The following MAP4K1 variants were observed in gnomAD, a reference collection of about 807,000 sequenced individuals.
MAP4K1 encodes the protein mitogen-activated protein kinase kinase kinase kinase 1.
A neutral mutation model predicts 122.8 loss-of-function variants in MAP4K1; 35 were observed. The observed-to-expected ratio is 0.29, with a 90% CI of 0.22 to 0.38. MAP4K1 has a LOEUF of 0.38. Ranked by LOEUF, MAP4K1 falls within the 10% of genes least tolerant of loss-of-function variation. MAP4K1 has a pLI of 1.00. For synonymous variants in MAP4K1, 412 were observed against 421.3 expected (o/e 0.98, Z 0.27); for missense variants, 791 against 1,072.6 (o/e 0.74, Z 3.67).
chr19:38,600,612 C>T (rs980489902), intron 20 of MAP4K1, among the ~76,000 whole-genome samples: 18 of 151,976 alleles, frequency 1.2e-4, no homozygotes, highest in African/African-American at 4.4e-4. Context: ...GATTCTGTCC[C>T]TTTCTGGCTG....
At chr19:38,591,280 G>A (rs1473452616) in intron 30 of MAP4K1, among the ~76,000 whole-genome samples, 2 of 152,160 alleles carry the variant, frequency 1.3e-5, no homozygotes, top group Non-Finnish European at 2.9e-5. Context: ...TGTAATCCCA[G>A]CACTTTGGGA....
In MAP4K1 at chr19:38,617,245, AAAAAGAAAAAG is replaced by A; in HGVS notation, c.248+98_248+108del. The stretch of plus-strand genomic sequence containing the variant: ...GGCAACAGAACAAGACTCCATCTCA[AAAAAGAAAAAG>A]AAAAGAAAAAAAAAGAACTGAGGGT... On this transcript the variant is annotated intron_variant, in intron 3 of 30. Transcript: ENST00000396857. This position sits in a 1 kb window ranked among gnomAD's most constrained non-coding sequence, Gnocchi z 4.1. 1.3e-6 allele frequency: 1 copy of A among 786,432 alleles called. No homozygotes were observed. Among genetic ancestry groups the A allele is most frequent in the Non-Finnish European group, 2.2e-6 (1 of 459,220 alleles). 48.7% of individuals were successfully genotyped at this position (786,432 alleles called of 1,614,324 possible). A position where few individuals can be genotyped will look rare whatever the true frequency, so the allele number is the denominator to read the frequency against.
intron 22 of MAP4K1, among the ~76,000 whole-genome samples, chr19:38,598,195 T>A (rs1974947087): frequency 6.6e-6 from 1 of 151,770 alleles, no homozygotes; most frequent in Admixed American, 6.6e-5. Context: ...CATGCCTGGA[T>A]AATTTTTGTA....
intron 30 of MAP4K1, among the ~76,000 whole-genome samples, chr19:38,591,853 C>T (rs1019821411): frequency 6.6e-6 from 1 of 152,004 alleles, no homozygotes; most frequent in Non-Finnish European, 1.5e-5. Flanking sequence ...TGCCTGTAAT[C>T]CCAGTTACTC....
chr19:38,616,144 G>A, intron 4 of MAP4K1, 51 bp downstream of exon 4: 1 of 1,441,290 alleles, frequency 6.9e-7, no homozygotes, highest in South Asian at 1.2e-5. Context: ...GGTCGGGGTT[G>A]GGGGGTGGGG....
intron 25 of MAP4K1, 48 bp downstream of exon 25, chr19:38,596,986 T>G: frequency 6.4e-7 from 1 of 1,560,266 alleles, no homozygotes; most frequent in Non-Finnish European, 8.8e-7. Flanking sequence ...GTGCAAGGCC[T>G]TAGCCACCCA....
intron 20 of MAP4K1, among the ~76,000 whole-genome samples, chr19:38,600,799 A>ATTTTTTTTT (rs560496607): frequency 5.5e-5 from 5 of 90,958 alleles, no homozygotes; most frequent in Non-Finnish European, 8.5e-5. Context: ...CCCTCTACCC[A>ATTTTTTTTT]TTTTTTTTTT....
chr19:38,614,921 C>CAAAAAAAAAAAA (rs562410574), intron 4 of MAP4K1: 1 of 21,576 alleles, frequency 4.6e-5, no homozygotes, highest in African/African-American at 1.3e-4. Context: ...GGCTCTGTCT[C>CAAAAAAAAAAAA]AAAAAAAAAA....
Position 38,596,399 on chromosome 19 carries a change from C to A in MAP4K1, c.2029G>T (p.Val677Leu). 1.3e-6 allele frequency: 2 copies of A among 1,595,966 alleles called. No homozygotes were observed. Among genetic ancestry groups the A allele is most frequent in the East Asian group, 2.3e-5 (1 of 44,394 alleles). ...GACTTCCCCGGCCGCCCGGGGCTCACGCCGATGCACACAGCGGGCAGCTCA... is the reference window on the plus strand; with the variant it reads ...GACTTCCCCGGCCGCCCGGGGCTCAAGCCGATGCACACAGCGGGCAGCTCA... ...GSELPAVCIG[V>L]SPGRPGKSVL... Residue 677 changes from valine to leucine, a missense_variant, in exon 26 of 31, where the codon GTG becomes TTG. Around this residue, in one of 4 missense-constraint regions of MAP4K1, gnomAD observed 267 missense variants for 323.0 expected, o/e 0.83. Transcript: ENST00000396857.
intron 9 of MAP4K1, among the ~76,000 whole-genome samples, chr19:38,611,968 C>T (rs1314389622): frequency 2.6e-5 from 4 of 151,586 alleles, no homozygotes; most frequent in Non-Finnish European, 5.9e-5. Flanking sequence ...GGCATGGTGG[C>T]GTGCACCTGT....
intron 19 of MAP4K1, among the ~76,000 whole-genome samples, chr19:38,603,069 T>C (rs985637729): frequency 7.4e-6 from 1 of 134,956 alleles, no homozygotes; most frequent in Non-Finnish European, 1.5e-5. Context: ...CATATACACA[T>C]ATACATATAT....
intron 30 of MAP4K1, 96 bp downstream of exon 30, chr19:38,593,186 C>T (rs1974777593): frequency 2.5e-6 from 3 of 1,209,962 alleles, no homozygotes; most frequent in African/African-American, 1.5e-5. Flanking sequence ...GAGACACTGT[C>T]CAGGCTAGAG....
At chr19:38,606,118 C>T (rs900547268) in intron 17 of MAP4K1, 55 bp downstream of exon 17, 28 of 1,417,816 alleles carry the variant, frequency 2.0e-5, no homozygotes, top group South Asian at 3.7e-5. Flanking sequence ...ACCTGGCCTC[C>T]TGGCCCCCAG....
At chr19:38,596,042 T>A in intron 26 of MAP4K1, 41 bp from the exon 27 acceptor site, 1 of 1,582,088 alleles carries the variant, frequency 6.3e-7, no homozygotes, top group Non-Finnish European at 8.7e-7. Context: ...CCCACCCCAT[T>A]CCCCTTTCCC....
intron 3 of MAP4K1, among the ~76,000 whole-genome samples, chr19:38,616,843 A>G (rs1975660192): frequency 6.6e-6 from 1 of 152,164 alleles, no homozygotes; most frequent in Non-Finnish European, 1.5e-5. Flanking sequence ...TGCTCTGGTC[A>G]GAAAAGTGGG....
Position 38,597,582 on chromosome 19 carries a change from T to TG in MAP4K1, c.1681dup (p.His561ProfsTer6). 6.2e-7 allele frequency: 1 copy of TG among 1,611,304 alleles called. No homozygotes were observed. The highest frequency in any genetic ancestry group is 8.5e-7 in the Non-Finnish European group (1 of 1,178,756). ...GCCAAGGATGCTATGAGAATACAGG[T>TG]GGGGGGTCTTTCCTGCAGGGTGTGT... is the stretch of plus-strand genomic sequence containing the variant. On this transcript the variant is annotated frameshift_variant, in exon 23 of 31. Coordinates refer to ENST00000396857, the MANE Select transcript of MAP4K1 (RefSeq NM_001042600.3). LOFTEE classifies it high-confidence loss of function. The surrounding 1 kb of genome is among the most constrained non-coding windows in gnomAD (Gnocchi z 4.6).
chr19:38,595,598 G>A, intron 28 of MAP4K1, 42 bp downstream of exon 28: 1 of 1,614,034 alleles, frequency 6.2e-7, no homozygotes, highest in Non-Finnish European at 8.5e-7. Flanking sequence ...GATCACTTGA[G>A]TTTCCACCCC....
At chr19:38,591,459 A>T (rs1230957249) in intron 30 of MAP4K1, among the ~76,000 whole-genome samples, 1 of 140,102 alleles carries the variant, frequency 7.1e-6, no homozygotes, top group Non-Finnish European at 1.5e-5. Context: ...TGAACCCGGG[A>T]GGCAGAGGTT....
rs17847681 is a variant in MAP4K1, at chr19:38,597,450, T to A, written c.1778+36A>T. On this transcript the variant is annotated intron_variant, in intron 23 of 30. Coordinates refer to ENST00000396857, the MANE Select transcript of MAP4K1 (RefSeq NM_001042600.3). This position sits in a 1 kb window ranked among gnomAD's most constrained non-coding sequence, Gnocchi z 4.6. ...AGGCAGAGGGGCATGGGAGGAATTATAAGGCTGTGTGGTGCCATTCATTGG... is the reference window on the plus strand; with the variant it reads ...AGGCAGAGGGGCATGGGAGGAATTAAAAGGCTGTGTGGTGCCATTCATTGG... 11 of 1,612,988 alleles carry A rather than the reference T, an allele frequency of 6.8e-6. No homozygotes were observed. Among genetic ancestry groups the A allele is most frequent in the Non-Finnish European group, 9.3e-6 (11 of 1,179,094 alleles).
Sources: allele counts gnomAD v4.1 joint callset (sites outside exome capture counted in the v4.1 genomes callset), GRCh38; gene constraint gnomAD v4.1.1; regional missense constraint gnomAD v4.1.1; non-coding constraint Gnocchi (gnomAD v3.1); transcripts MANE v1.5; gene names NCBI Gene and HGNC (gene_info 2026-07-23, HGNC 2026-07-21).